MPPED1: variants seen among roughly 807,000 people sequenced by gnomAD.
The protein encoded by MPPED1 is metallophosphoesterase domain-containing protein 1.
Under a neutral mutation model 36.2 loss-of-function variants are expected in MPPED1, and 16 were observed. The ratio of observed to expected loss-of-function variants is 0.44; its 90% CI spans 0.30 to 0.67. The LOEUF (loss-of-function observed/expected upper bound fraction) is 0.67, where lower values mean the gene tolerates loss of function less well. Among genes scored for constraint, MPPED1 ranks in the 30% least tolerant of loss-of-function variants. The pLI, the probability that MPPED1 is intolerant of heterozygous loss-of-function variation, is 0.10. For synonymous variants in MPPED1, 199 were observed against 191.3 expected (o/e 1.04, Z -0.33); for missense variants, 307 against 453.4 (o/e 0.68, Z 2.93).
intron 3 of MPPED1, among the ~76,000 whole-genome samples, chr22:43,452,829 A>G (rs1406643440): frequency 2.0e-5 from 3 of 151,030 alleles, no homozygotes; most frequent in East Asian, 2.0e-4. Context: ...AGGTTTCCCT[A>G]TGTTTCCCAG....
chr22:43,477,395 A>G (rs1304166022), intron 4 of MPPED1, among the ~76,000 whole-genome samples: 1 of 152,208 alleles, frequency 6.6e-6, no homozygotes, highest in Non-Finnish European at 1.5e-5. Flanking sequence ...CTCAGTTTCC[A>G]ACCGGGGTGA....
Position 43,502,327 on chromosome 22 carries a change from G to A in MPPED1, c.749-317G>A, listed in dbSNP as rs1932753443. Among the ~76,000 whole-genome samples the A allele has an allele frequency of 1.3e-5, 2 of 152,160 alleles. No homozygotes were observed. Among genetic ancestry groups the A allele is most frequent in the African/African-American group, 2.4e-5 (1 of 41,440 alleles). ...GGATGCCACCCTTGAGGCCACTCGA[G>A]CACAGATGGTCTGGGGGGCGCCAGC... On this transcript the variant is annotated intron_variant, in intron 5 of 6. Transcript: ENST00000443721. This position sits in a 1 kb window ranked among gnomAD's most constrained non-coding sequence, Gnocchi z 5.5.
intron 4 of MPPED1, among the ~76,000 whole-genome samples, chr22:43,497,779 G>T (rs1299433314): frequency 6.9e-6 from 1 of 145,200 alleles, no homozygotes; most frequent in Admixed American, 6.7e-5. Flanking sequence ...TTGACTGGGG[G>T]TCCACACACC....
chr22:43,495,655 A>G (rs1246404383), intron 4 of MPPED1, among the ~76,000 whole-genome samples: 280 of 10,284 alleles, frequency 0.027, 1 homozygote, highest in Middle Eastern at 0.071. Flanking sequence ...TGGTGGAGGT[A>G]GTGGTGGTGG....
chr22:43,481,458 T>G (rs1484500721), intron 4 of MPPED1, among the ~76,000 whole-genome samples: 1 of 152,168 alleles, frequency 6.6e-6, no homozygotes, highest in African/African-American at 2.4e-5. Flanking sequence ...GACCCAGATC[T>G]CTCTTTCTCA....
chr22:43,503,707 C>T (rs948194726), intron 6 of MPPED1, among the ~76,000 whole-genome samples: 3 of 152,184 alleles, frequency 2.0e-5, no homozygotes, highest in African/African-American at 7.2e-5. Context: ...GTGAGAGGTC[C>T]TGGGAGAGAT....
rs1490159628 is a variant in MPPED1 at position 43,500,098 on chromosome 22, TGGTAGTGGG to T, written c.748+1752_748+1760del. Among the ~76,000 whole-genome samples, 308 of 113,332 alleles carry T rather than the reference TGGTAGTGGG, an allele frequency of 2.7e-3. 1 individual carries two copies. Among genetic ancestry groups the T allele is most frequent in the Non-Finnish European group, 4.4e-3 (238 of 54,638 alleles). The allele number at this position is 113,332 out of a possible 152,430, so 74.4% of individuals were successfully genotyped here. ...GAGGTGGTGGTGATGGCGATGGAGG[TGGTAGTGGG>T]GGTGATGAAGGTGGTGATGGAGGTG... On this transcript the variant is annotated intron_variant, in intron 5 of 6. Coordinates refer to ENST00000443721, the MANE Select transcript of MPPED1 (RefSeq NM_001044370.2).
chr22:43,464,563 C>T (rs1004700580), intron 3 of MPPED1, among the ~76,000 whole-genome samples: 1 of 152,094 alleles, frequency 6.6e-6, no homozygotes, highest in African/African-American at 2.4e-5. Flanking sequence ...TTGTGTGACC[C>T]TGGTAGTGCT....
intron 3 of MPPED1, among the ~76,000 whole-genome samples, chr22:43,452,504 TA>T (rs111938453): frequency 0.03 from 4,513 of 152,208 alleles, 237 homozygotes; most frequent in African/African-American, 0.1. Context: ...CAGAACTTAC[TA>T]GGGCCAAGAA....
intron 3 of MPPED1, 125 bp downstream of exon 3, chr22:43,435,340 G>T (rs1929920524): frequency 9.5e-7 from 1 of 1,055,808 alleles, no homozygotes; most frequent in Admixed American, 2.4e-5. Flanking sequence ...GCCTGTGCCT[G>T]CCTGGTCACC....
At chr22:43,457,071 G>A (rs1297935371) in intron 3 of MPPED1, among the ~76,000 whole-genome samples, 1 of 152,108 alleles carries the variant, frequency 6.6e-6, no homozygotes, top group African/African-American at 2.4e-5. Flanking sequence ...TTGGTCTGTG[G>A]TTTTCTTTTC....
In MPPED1 at chr22:43,499,119, AGGTGATGAAGGTGGT is replaced by A. The variant is rs1407647824; in HGVS notation, c.748+783_748+797del. On this transcript the variant is annotated intron_variant, in intron 5 of 6. Coordinates refer to ENST00000443721, the MANE Select transcript of MPPED1 (RefSeq NM_001044370.2). ...GTGGTGGAGGTGGTGATGGTGGTGGAGGTGATGAAGGTGGTGGTGATGAAGGTGATGGTGGTGACG... is the reference window on the plus strand; with the variant it reads ...GTGGTGGAGGTGGTGATGGTGGTGGAGGTGATGAAGGTGATGGTGGTGACG... Among the ~76,000 whole-genome samples, 16 of 124,860 alleles carry A rather than the reference AGGTGATGAAGGTGGT, an allele frequency of 1.3e-4. No individual in the cohort carries two copies. In the East Asian group the frequency reaches 2.0e-3, roughly 16 times the overall value. 81.9% of individuals were successfully genotyped at this position (124,860 alleles called of 152,430 possible). A position where few individuals can be genotyped will look rare whatever the true frequency, so the allele number is the denominator to read the frequency against.
chr22:43,449,436 C>T (rs112886619), intron 3 of MPPED1, among the ~76,000 whole-genome samples: 9 of 143,736 alleles, frequency 6.3e-5, no homozygotes, highest in Middle Eastern at 3.4e-3. Flanking sequence ...CCCCCGCCCC[C>T]CCTCCAAGTA....
chr22:43,422,493 A>G (rs979188975), intron 1 of MPPED1, among the ~76,000 whole-genome samples: 1 of 152,174 alleles, frequency 6.6e-6, no homozygotes, highest in African/African-American at 2.4e-5. Context: ...CTTATGGTCA[A>G]GGGATTTTAT....
In MPPED1 at chr22:43,494,221, G is replaced by T. The variant is rs147402613; in HGVS notation, c.633-4014G>T. On this transcript the variant is annotated intron_variant, in intron 4 of 6. Transcript: ENST00000443721. ...CGACTAATTTTTTAAAAATATTTTT[G>T]TAGAGACAGTGTCTTACTGTGTTGC... 5.3e-5 allele frequency among the ~76,000 whole-genome samples: 8 copies of T among 152,040 alleles called. No homozygotes were observed. The East Asian group carries it at 1.3e-3, about 26-fold the overall frequency.
chr22:43,498,132 A>C, intron 4 of MPPED1, 103 bp from the exon 5 acceptor site: 1 of 825,608 alleles, frequency 1.2e-6, no homozygotes, highest in Non-Finnish European at 1.9e-6. Context: ...CCAGGTAGCG[A>C]GCTGGTCCTG....
chr22:43,429,869 G>A (rs1601950973), intron 2 of MPPED1, among the ~76,000 whole-genome samples: 1 of 152,168 alleles, frequency 6.6e-6, no homozygotes, highest in African/African-American at 2.4e-5. Context: ...TCCGTGGAGT[G>A]GGCCACTTTA....
At chr22:43,466,247 C>T (rs1931165807) in intron 3 of MPPED1, among the ~76,000 whole-genome samples, 1 of 152,184 alleles carries the variant, frequency 6.6e-6, no homozygotes, top group Non-Finnish European at 1.5e-5. Context: ...CCCATGAGGA[C>T]CCGTGGAGGC....
At chr22:43,490,441 C>T (rs1037414802) in intron 4 of MPPED1, among the ~76,000 whole-genome samples, 1 of 152,136 alleles carries the variant, frequency 6.6e-6, no homozygotes, top group African/African-American at 2.4e-5. Context: ...TCATGTGTTT[C>T]CAAGAAGCTG....
Sources: gnomAD v4.1 joint callset for allele counts (sites outside exome capture counted in the v4.1 genomes callset) on GRCh38, gnomAD v4.1.1 for gene constraint, Gnocchi (gnomAD v3.1) non-coding constraint, MANE v1.5 for transcripts, NCBI Gene and HGNC (gene_info 2026-07-23, HGNC 2026-07-21) for gene names.